Variants in SAMMSON observed in about 807,000 individuals in gnomAD.
SAMMSON encodes the protein long intergenic non-protein coding RNA 1212.
intron 3 of SAMMSON, among the ~76,000 whole-genome samples, chr3:70,062,694 A>G (rs774423773): frequency 4.6e-5 from 7 of 152,002 alleles, no homozygotes; most frequent in Non-Finnish European, 7.4e-5. Context: ...CTGGCTTCTC[A>G]CATCACTCCT....
intron 4 of SAMMSON, among the ~76,000 whole-genome samples, chr3:70,077,537 A>G (rs1043444653): frequency 6.6e-6 from 1 of 152,114 alleles, no homozygotes; most frequent in Non-Finnish European, 1.5e-5. Flanking sequence ...ATAGCTACTA[A>G]GTTTGGTGAT....
At chr3:70,049,432 A>G (rs1420831927) in intron 3 of SAMMSON, among the ~76,000 whole-genome samples, 3 of 152,184 alleles carry the variant, frequency 2.0e-5, no homozygotes, top group South Asian at 4.1e-4. Context: ...GCATATCACA[A>G]TGATTAATGA....
At chr3:70,184,460 G>A (rs1701077079) in intron 4 of SAMMSON, among the ~76,000 whole-genome samples, 1 of 152,178 alleles carries the variant, frequency 6.6e-6, no homozygotes, top group Non-Finnish European at 1.5e-5. Flanking sequence ...CTTAGGTAAA[G>A]AAGGGTTTAA....
chr3:70,297,573 AT>A (rs1702302471), intron 7 of SAMMSON, among the ~76,000 whole-genome samples: 1 of 152,098 alleles, frequency 6.6e-6, no homozygotes, highest in African/African-American at 2.4e-5. Context: ...CAATATGTAT[AT>A]TTGTGTTATC....
At position 70,421,254 on chromosome 3, in the gene SAMMSON, G is replaced by A. The variant is rs909651169; in HGVS notation, n.234-41306G>A. 3.3e-5 allele frequency among the ~76,000 whole-genome samples: 5 copies of A among 152,058 alleles called. No individual in the cohort carries two copies. In the East Asian group the frequency reaches 9.6e-4, roughly 29 times the overall value. On this transcript the variant is annotated intron_variant and non_coding_transcript_variant, in intron 2 of 3. Transcript: ENST00000641053. ...AAGGAAAAACAATAAAAAACAAAAA[G>A]CTGCATATGCTGAAATTTAAAAAAT...
intron 7 of SAMMSON, among the ~76,000 whole-genome samples, chr3:70,341,196 A>G (rs773871678): frequency 1.3e-5 from 2 of 151,272 alleles, no homozygotes; most frequent in Non-Finnish European, 2.9e-5. Flanking sequence ...CATCCAAGTC[A>G]CTCCCCTTCT....
intron 4 of SAMMSON, chr3:70,120,500 C>T (rs947661066): frequency 6.6e-6 from 1 of 152,182 alleles, no homozygotes; most frequent in South Asian, 2.1e-4. Flanking sequence ...TGATGGCCCG[C>T]CATGATGACA....
chr3:70,225,888 CT>C (rs1417509809), intron 4 of SAMMSON, among the ~76,000 whole-genome samples: 9 of 152,142 alleles, frequency 5.9e-5, no homozygotes, highest in African/African-American at 2.2e-4. Context: ...CCTCTGAGGG[CT>C]TAAGAATTAT....
chr3:70,307,704 C>A (rs1702415645), intron 7 of SAMMSON, among the ~76,000 whole-genome samples: 1 of 152,112 alleles, frequency 6.6e-6, no homozygotes, highest in Admixed American at 6.6e-5. Flanking sequence ...CCATTTTGCA[C>A]ACCAGTTACA....
chr3:70,203,920 C>T (rs934111274), intron 4 of SAMMSON, among the ~76,000 whole-genome samples: 1 of 152,036 alleles, frequency 6.6e-6, no homozygotes, highest in African/African-American at 2.4e-5. Flanking sequence ...GTCCTCTGGA[C>T]ACTTTCCATT....
intron 6 of SAMMSON, among the ~76,000 whole-genome samples, chr3:70,268,474 C>CAAAAAAAA (rs66482424): frequency 1.0e-5 from 1 of 96,614 alleles, no homozygotes. Flanking sequence ...GACTCCGTCT[C>CAAAAAAAA]AAAAAAAAAA....
chr3:70,028,578 T>A (rs2067052093), intron 3 of SAMMSON, among the ~76,000 whole-genome samples: 1 of 152,070 alleles, frequency 6.6e-6, no homozygotes, highest in African/African-American at 2.4e-5. Flanking sequence ...TGGAAAAAAA[T>A]CCCTAAATTT....
chr3:70,053,079 A>G lies in SAMMSON; in HGVS notation n.418-18397A>G, dbSNP rs1459454415. Among the ~76,000 whole-genome samples the G allele has an allele frequency of 3.3e-5, 5 of 152,170 alleles. 1 individual carries two copies. In the South Asian group the frequency reaches 8.3e-4, roughly 25 times the overall value. On this transcript the variant is annotated intron_variant and non_coding_transcript_variant, in intron 3 of 9. Transcript: ENST00000642114. ...TGTCACTCATGGTCCTTGCAGTTGC[A>G]TAGTGCTTTGGAATTTGCAGTTCCC...
chr3:70,133,166 G>T (rs1474366153), intron 4 of SAMMSON, among the ~76,000 whole-genome samples: 1 of 152,114 alleles, frequency 6.6e-6, no homozygotes, highest in African/African-American at 2.4e-5. Flanking sequence ...ATAGCTGCAG[G>T]GTGGGGGCTG....
intron 4 of SAMMSON, among the ~76,000 whole-genome samples, chr3:70,165,866 C>A (rs2067634902): frequency 6.6e-6 from 1 of 152,072 alleles, no homozygotes; most frequent in African/African-American, 2.4e-5. Context: ...AATGTGCCAT[C>A]CAGCTCTCTG....
intron 4 of SAMMSON, among the ~76,000 whole-genome samples, chr3:70,213,997 A>G (rs918411410): frequency 6.6e-6 from 1 of 152,072 alleles, no homozygotes; most frequent in African/African-American, 2.4e-5. Context: ...GAAAAAATAT[A>G]TTTTCTTCTT....
At chr3:70,242,559 T>G (rs1470143712) in intron 4 of SAMMSON, among the ~76,000 whole-genome samples, 2 of 152,196 alleles carry the variant, frequency 1.3e-5, no homozygotes, top group Non-Finnish European at 2.9e-5. Flanking sequence ...TCCCTCCTTC[T>G]CTGCTGCATT....
At chr3:70,250,021 G>T (rs1701745517) in intron 6 of SAMMSON, among the ~76,000 whole-genome samples, 1 of 152,110 alleles carries the variant, frequency 6.6e-6, no homozygotes, top group Non-Finnish European at 1.5e-5. Context: ...AGAAGTTCTG[G>T]CTTCGAGTTG....
rs959773200 is a variant in SAMMSON, at chr3:70,260,989, C to G, written n.674+11319C>G. Among the ~76,000 whole-genome samples, 253 of 152,184 alleles carry G rather than the reference C, an allele frequency of 1.7e-3. 8 individuals are homozygous for G. The highest frequency in any genetic ancestry group is 0.016 in the Admixed American group (250 of 15,254). Reference sequence around the variant, plus strand: ...TTATAATATTTGCAGAACTTGTGGGCCCCAGGTCTCTTGAAAAATTCCGCT... The same window carrying G: ...TTATAATATTTGCAGAACTTGTGGGGCCCAGGTCTCTTGAAAAATTCCGCT... On this transcript the variant is annotated intron_variant and non_coding_transcript_variant, in intron 6 of 9. Transcript: ENST00000642114.
Sources: allele counts gnomAD v4.1 joint callset (sites outside exome capture counted in the v4.1 genomes callset), GRCh38; gene constraint gnomAD v4.1.1; transcripts MANE v1.5; gene names NCBI Gene and HGNC (gene_info 2026-07-23, HGNC 2026-07-21).